FBXL17: variants seen among roughly 807,000 people sequenced by gnomAD.
FBXL17 encodes F-box/LRR-repeat protein 17.
A neutral mutation model predicts 66.2 loss-of-function variants in FBXL17; 22 were observed. The observed-to-expected ratio is 0.33, with a 90% CI of 0.24 to 0.47. The LOEUF (loss-of-function observed/expected upper bound fraction) is 0.47, where lower values mean the gene tolerates loss of function less well. Among genes scored for constraint, FBXL17 ranks in the 20% least tolerant of loss-of-function variants. The pLI is 1.00. For synonymous variants in FBXL17, 474 were observed against 400.5 expected, an observed-to-expected ratio of 1.18 and a Z score of -2.19; for missense variants, 878 against 948.2, an observed-to-expected ratio of 0.93 and a Z score of 0.97.
intron 7 of FBXL17, among the ~76,000 whole-genome samples, chr5:107,993,314 G>A (rs984133001): frequency 1.3e-5 from 2 of 152,060 alleles, no homozygotes; most frequent in African/African-American, 2.4e-5. Context: ...ATACTGTTAT[G>A]GTAAGATGAT....
At chr5:108,348,023 T>A (rs929879038) in intron 4 of FBXL17, among the ~76,000 whole-genome samples, 2 of 151,944 alleles carry the variant, frequency 1.3e-5, no homozygotes, top group Non-Finnish European at 2.9e-5. Flanking sequence ...TTCTGGACAA[T>A]AAAAAAAATT....
At position 108,175,825 on chromosome 5, in the gene FBXL17, T is replaced by C. The variant is rs752971823; in HGVS notation, c.1745+10292A>G. 2.6e-5 allele frequency among the ~76,000 whole-genome samples: 4 copies of C among 152,352 alleles called. 1 individual carries two copies. Among genetic ancestry groups the C allele is most frequent in the Non-Finnish European group, 2.9e-5 (2 of 68,026 alleles). ...CTAAAATATTTCTATATGCCACTGTTCATAAAATATTTTAGGCTGAAGCAA... is the reference window on the plus strand; with the variant it reads ...CTAAAATATTTCTATATGCCACTGTCCATAAAATATTTTAGGCTGAAGCAA... On this transcript the variant is annotated intron_variant, in intron 6 of 8. Transcript: ENST00000542267.
chr5:108,365,176 T>A (rs1378223292), intron 2 of FBXL17, among the ~76,000 whole-genome samples, 181 bp from the exon 3 acceptor site: 4 of 152,096 alleles, frequency 2.6e-5, no homozygotes, highest in South Asian at 4.1e-4. Flanking sequence ...ATAATAATAT[T>A]GTAATTGGTC....
chr5:108,317,421 T>C (rs751681612), intron 4 of FBXL17, among the ~76,000 whole-genome samples: 79 of 150,898 alleles, frequency 5.2e-4, no homozygotes, highest in Non-Finnish European at 9.7e-4. Flanking sequence ...CCAACTACCC[T>C]GATTTGATCA....
intron 8 of FBXL17, among the ~76,000 whole-genome samples, chr5:107,863,893 G>A (rs1055001073): frequency 2.0e-5 from 3 of 152,088 alleles, no homozygotes; most frequent in Admixed American, 2.0e-4. Context: ...GTGCACCATG[G>A]CAGGCACCCT....
chr5:108,157,053 A>G (rs1260735434), intron 6 of FBXL17, among the ~76,000 whole-genome samples: 1 of 151,838 alleles, frequency 6.6e-6, no homozygotes, highest in Non-Finnish European at 1.5e-5. Context: ...TCTATTTTAT[A>G]CAATGAAACA....
intron 8 of FBXL17, chr5:107,880,289 G>C: frequency 2.5e-6 from 2 of 813,752 alleles, no homozygotes; most frequent in Non-Finnish European, 3.0e-6. Flanking sequence ...ATGTTGTCCA[G>C]GCTGGTCTCA....
intron 7 of FBXL17, among the ~76,000 whole-genome samples, chr5:107,941,000 A>C (rs1390192623): frequency 2.0e-5 from 3 of 152,162 alleles, no homozygotes; most frequent in African/African-American, 7.2e-5. Context: ...TGGGGGAAGA[A>C]AGTGCTTTAT....
At chr5:108,255,862 T>C (rs754236728) in intron 4 of FBXL17, among the ~76,000 whole-genome samples, 5 of 152,160 alleles carry the variant, frequency 3.3e-5, no homozygotes, top group Non-Finnish European at 7.4e-5. Context: ...TCCTGCCAAT[T>C]GAATTTCTCT....
At chr5:107,882,763 G>A (rs1748834770) in intron 7 of FBXL17, among the ~76,000 whole-genome samples, 2 of 152,076 alleles carry the variant, frequency 1.3e-5, no homozygotes, top group South Asian at 4.1e-4. Context: ...ATGAAGTAGG[G>A]GATACATAAA....
At chr5:107,932,944 T>C (rs1201466852) in intron 7 of FBXL17, among the ~76,000 whole-genome samples, 1 of 152,088 alleles carries the variant, frequency 6.6e-6, no homozygotes, top group Non-Finnish European at 1.5e-5. Context: ...AAGGTCATGG[T>C]TATTATGAAA....
chr5:108,021,125 GGTATTATATT>G, intron 6 of FBXL17, 124 bp from the exon 7 acceptor site: 1 of 627,632 alleles, frequency 1.6e-6, no homozygotes, highest in South Asian at 2.2e-5. Context: ...TTTCAGGAAA[GGTATTATATT>G]CCCTGCTTTA....
intron 5 of FBXL17, among the ~76,000 whole-genome samples, chr5:108,220,687 A>G (rs1754824511): frequency 6.6e-6 from 1 of 152,082 alleles, no homozygotes; most frequent in South Asian, 2.1e-4. Context: ...AGTAGGAGCC[A>G]TTTCACGTTG....
chr5:108,203,404 GA>G (rs376594670), intron 5 of FBXL17, among the ~76,000 whole-genome samples: 10 of 151,966 alleles, frequency 6.6e-5, no homozygotes, highest in South Asian at 4.2e-4. Flanking sequence ...AAACTTCTAA[GA>G]AAAAAATATC....
chr5:107,878,456 A>ATCTT (rs1234197485), intron 8 of FBXL17: 7 of 601,182 alleles, frequency 1.2e-5, no homozygotes, highest in Non-Finnish European at 1.5e-5. Context: ...GATAGGTACT[A>ATCTT]GTATCATCCT....
chr5:108,358,446 G>C (rs114827069), intron 3 of FBXL17, among the ~76,000 whole-genome samples: 2,404 of 151,222 alleles, frequency 0.016, 60 homozygotes, highest in African/African-American at 0.055. Context: ...AAGATGACTG[G>C]TTTTTTTTTC....
intron 7 of FBXL17, among the ~76,000 whole-genome samples, chr5:107,943,361 T>C (rs1454920757): frequency 2.0e-5 from 3 of 152,120 alleles, no homozygotes; most frequent in East Asian, 3.9e-4. Flanking sequence ...CATTCATCTA[T>C]TCCTAGGTTT....
intron 4 of FBXL17, among the ~76,000 whole-genome samples, chr5:108,243,424 T>C (rs1580680142): frequency 6.6e-6 from 1 of 152,188 alleles, no homozygotes; most frequent in African/African-American, 2.4e-5. Context: ...TAGGTGTGTA[T>C]AGCAGTAATG....
At chr5:108,223,359 G>A (rs189227200) in intron 5 of FBXL17, among the ~76,000 whole-genome samples, 1 of 152,136 alleles carries the variant, frequency 6.6e-6, no homozygotes. Context: ...AATGAAGGAA[G>A]GTTGAAGGAA....
Sources: gnomAD v4.1 joint callset for allele counts (sites outside exome capture counted in the v4.1 genomes callset) on GRCh38, gnomAD v4.1.1 for gene constraint, MANE v1.5 for transcripts, NCBI Gene and HGNC (gene_info 2026-07-23, HGNC 2026-07-21) for gene names.